Variants in PLEKHA7 observed in about 807,000 individuals in gnomAD.
The protein encoded by PLEKHA7 is pleckstrin homology domain-containing family A member 7.
Under a neutral mutation model 170.0 loss-of-function variants are expected in PLEKHA7, and 104 were observed. The ratio of observed to expected loss-of-function variants is 0.61; its 90% CI spans 0.52 to 0.72. The LOEUF (loss-of-function observed/expected upper bound fraction) is 0.72. Among genes scored for constraint, PLEKHA7 ranks in the 30% least tolerant of loss-of-function variants. The pLI is 0.00. For synonymous variants in PLEKHA7, 648 were observed against 660.8 expected (o/e 0.98, Z 0.30); for missense variants, 1,615 against 1,671.7 (o/e 0.97, Z 0.59).
At chr11:16,950,402 T>TCC (rs1316161868) in intron 3 of PLEKHA7, among the ~76,000 whole-genome samples, 1 of 152,054 alleles carries the variant, frequency 6.6e-6, no homozygotes, top group Non-Finnish European at 1.5e-5. Flanking sequence ...CCCCTGATGT[T>TCC]CCAGGGAGCT....
intron 3 of PLEKHA7, among the ~76,000 whole-genome samples, chr11:16,931,755 T>A (rs1421458174): frequency 8.0e-6 from 1 of 124,678 alleles, no homozygotes; most frequent in African/African-American, 3.4e-5. Context: ...TGAGATTCCA[T>A]CCCCCCCCCC....
chr11:16,959,713 G>A (rs1445663752), intron 3 of PLEKHA7, among the ~76,000 whole-genome samples: 3 of 152,196 alleles, frequency 2.0e-5, no homozygotes, highest in Admixed American at 6.5e-5. Context: ...GCAACAAAAG[G>A]CCTACTCAGT....
intron 3 of PLEKHA7, among the ~76,000 whole-genome samples, chr11:16,912,502 T>G (rs1301873330): frequency 3.3e-5 from 5 of 152,222 alleles, no homozygotes; most frequent in African/African-American, 1.2e-4. Flanking sequence ...ACTAGCTTCT[T>G]TACTGAGTGC....
chr11:16,913,551 G>A (rs929715472), intron 3 of PLEKHA7, among the ~76,000 whole-genome samples: 8 of 152,218 alleles, frequency 5.3e-5, no homozygotes, highest in African/African-American at 9.6e-5. Context: ...CAGACAGTGC[G>A]CAGCTTTGCT....
chr11:16,882,543 G>A (rs993898528), intron 3 of PLEKHA7, among the ~76,000 whole-genome samples: 2 of 152,216 alleles, frequency 1.3e-5, no homozygotes, highest in Non-Finnish European at 2.9e-5. Flanking sequence ...AAGCCATGCT[G>A]GCATATTATC....
At chr11:16,801,938 T>C in intron 15 of PLEKHA7, 121 bp from the exon 16 acceptor site, 7 of 1,255,832 alleles carry the variant, frequency 5.6e-6, no homozygotes, top group Non-Finnish European at 6.6e-6. Flanking sequence ...AGCGCTGAGA[T>C]GTGGGCCCAC....
intron 3 of PLEKHA7, among the ~76,000 whole-genome samples, chr11:16,939,358 G>A (rs897384935): frequency 6.6e-6 from 1 of 152,122 alleles, no homozygotes; most frequent in Admixed American, 6.5e-5. Flanking sequence ...AGGTTGCAAT[G>A]ACCCGAGATC....
rs898980438 is a variant in PLEKHA7 at position 16,870,326 on chromosome 11, T to C, written c.305+773A>G. Among the ~76,000 whole-genome samples, 6 of 152,050 alleles carry C rather than the reference T, an allele frequency of 3.9e-5. No homozygotes were observed. The East Asian group carries it at 1.2e-3, about 29-fold the overall frequency. Reference sequence around the variant, plus strand: ...CCACACACACACTACACACACACATTTTTTAAGAGATGGGGTCTAGGGCAG... The same window carrying C: ...CCACACACACACTACACACACACATCTTTTAAGAGATGGGGTCTAGGGCAG... On this transcript the variant is annotated intron_variant, in intron 4 of 26. Coordinates refer to ENST00000531066, the MANE Select transcript of PLEKHA7 (RefSeq NM_001329630.2).
intron 3 of PLEKHA7, among the ~76,000 whole-genome samples, chr11:16,918,871 C>T (rs1373698485): frequency 6.6e-6 from 1 of 152,000 alleles, no homozygotes; most frequent in Non-Finnish European, 1.5e-5. Flanking sequence ...TTCAAACACA[C>T]ATGAAAAACA....
At chr11:16,986,263 G>T (rs998335584) in intron 3 of PLEKHA7, among the ~76,000 whole-genome samples, 17 of 152,302 alleles carry the variant, frequency 1.1e-4, no homozygotes, top group Admixed American at 5.2e-4. Flanking sequence ...AAGAAAACCA[G>T]TCGGAACCAT....
Position 16,786,249 on chromosome 11 carries a change from C to G in PLEKHA7, c.3496G>C (p.Asp1166His). 3.9e-6 allele frequency: 6 copies of G among 1,536,136 alleles called. No individual in the cohort carries two copies. The highest frequency in any genetic ancestry group is 5.2e-6 in the Non-Finnish European group (6 of 1,146,914). Residue 1166 changes from aspartate (D) to histidine (H), a missense_variant, in exon 24 of 27, where the codon GAC becomes CAC. Transcript: ENST00000531066. ...TELDLEPQDY[D>H]LDISRELSKP... ...CTCACCTCTCTGCTGATGTCCAAGT[C>G]ATAGTCTTGAGGCTCCAGGTCCAAC...
At chr11:16,976,979 C>T (rs1863108918) in intron 3 of PLEKHA7, among the ~76,000 whole-genome samples, 1 of 152,210 alleles carries the variant, frequency 6.6e-6, no homozygotes, top group African/African-American at 2.4e-5. Context: ...GAACACACAG[C>T]TATCTGTTTC....
At position 16,824,549 on chromosome 11, in the gene PLEKHA7, A is replaced by G. The variant is rs144376864; in HGVS notation, c.1343+1571T>C. ...CAAAGTTTTTAAAATTCTAGACATC[A>G]TCCTTGTTGTTTCCTTCATCCCGCA... On this transcript the variant is annotated intron_variant, in intron 10 of 26. Transcript: ENST00000531066. Among the ~76,000 whole-genome samples, 790 of 152,320 alleles carry G rather than the reference A, an allele frequency of 5.2e-3. 11 individuals carry two copies. Among genetic ancestry groups the G allele is most frequent in the African/African-American group, 0.017 (722 of 41,566 alleles).
intron 3 of PLEKHA7, among the ~76,000 whole-genome samples, chr11:16,991,039 G>T (rs1442317823): frequency 6.6e-6 from 1 of 152,202 alleles, no homozygotes; most frequent in Non-Finnish European, 1.5e-5. Flanking sequence ...CCCAGAAGGG[G>T]TGACTGGAAG....
chr11:16,801,852 G>A (rs1262351314), intron 15 of PLEKHA7, 35 bp from the exon 16 acceptor site: 70 of 1,612,654 alleles, frequency 4.3e-5, no homozygotes, highest in Non-Finnish European at 5.8e-5. Flanking sequence ...AGCAGGATAG[G>A]AGGACAGTCC....
intron 21 of PLEKHA7, 85 bp downstream of exon 21, chr11:16,790,713 G>T: frequency 5.1e-6 from 7 of 1,370,828 alleles, no homozygotes; most frequent in Non-Finnish European, 7.1e-6. Flanking sequence ...TAGAGCTGCA[G>T]GCAGAAGGGT....
intron 3 of PLEKHA7, among the ~76,000 whole-genome samples, chr11:16,971,219 G>A (rs1338412393): frequency 6.6e-6 from 1 of 152,050 alleles, no homozygotes; most frequent in Non-Finnish European, 1.5e-5. Flanking sequence ...ATAAAAGGAG[G>A]AGAGTGACAA....
chr11:17,006,929 G>C (rs575865122), intron 3 of PLEKHA7, among the ~76,000 whole-genome samples: 1 of 152,334 alleles, frequency 6.6e-6, no homozygotes, highest in East Asian at 1.9e-4. Context: ...AACTCCCTTT[G>C]ATTTCAGACT....
chr11:16,871,987 T>C (rs1476876150), intron 3 of PLEKHA7, among the ~76,000 whole-genome samples: 1 of 151,650 alleles, frequency 6.6e-6, no homozygotes, highest in Non-Finnish European at 1.5e-5. Flanking sequence ...TTTTTTTTTT[T>C]TTTTTAAGAC....
Sources: allele counts gnomAD v4.1 joint callset (sites outside exome capture counted in the v4.1 genomes callset), GRCh38; gene constraint gnomAD v4.1.1; transcripts MANE v1.5; gene names NCBI Gene and HGNC (gene_info 2026-07-23, HGNC 2026-07-21).